Variants in NUCB2 observed in about 807,000 individuals in gnomAD.
The protein encoded by NUCB2 is nucleobindin-2.
Under a neutral mutation model 57.9 loss-of-function variants are expected in NUCB2, and 48 were observed. That is an observed-to-expected ratio of 0.83 (90% confidence interval 0.66 to 1.05). The LOEUF (loss-of-function observed/expected upper bound fraction) is 1.05. Among genes scored for constraint, NUCB2 ranks in the 50% least tolerant of loss-of-function variants. The pLI, the probability that NUCB2 is intolerant of heterozygous loss-of-function variation, is 0.00. For synonymous variants in NUCB2, 139 were observed against 152.1 expected, an observed-to-expected ratio of 0.91 and a Z score of 0.64; for missense variants, 442 against 476.2, an observed-to-expected ratio of 0.93 and a Z score of 0.67.
chr11:17,317,276 A>C (rs1949377372), intron 11 of NUCB2, among the ~76,000 whole-genome samples: 1 of 152,200 alleles, frequency 6.6e-6, no homozygotes, highest in East Asian at 1.9e-4. Context: ...ATTATGTTGT[A>C]ATGTATATAC....
At chr11:17,331,029 T>C (rs970796095) in intron 13 of NUCB2, 46 bp downstream of exon 13, 44 of 1,156,092 alleles carry the variant, frequency 3.8e-5, no homozygotes, top group Non-Finnish European at 5.6e-5. Context: ...TAAATTATTT[T>C]ATCAATTGAA....
intron 11 of NUCB2, among the ~76,000 whole-genome samples, chr11:17,319,591 C>T (rs1456379607): frequency 6.6e-5 from 10 of 152,130 alleles, no homozygotes; most frequent in Admixed American, 6.5e-4. Flanking sequence ...TACACACATA[C>T]ATGCACACAT....
chr11:17,281,761 G>A (rs1348859110), intron 1 of NUCB2, among the ~76,000 whole-genome samples: 1 of 151,994 alleles, frequency 6.6e-6, no homozygotes, highest in Non-Finnish European at 1.5e-5. Flanking sequence ...CAACATGCAT[G>A]TGATTACTCT....
At chr11:17,300,305 C>T (rs1024964789) in intron 4 of NUCB2, among the ~76,000 whole-genome samples, 1 of 152,196 alleles carries the variant, frequency 6.6e-6, no homozygotes, top group African/African-American at 2.4e-5. Context: ...AGCCACTGCA[C>T]CCTGCCATTT....
chr11:17,315,849 G>A (rs186293790), intron 11 of NUCB2, among the ~76,000 whole-genome samples: 1 of 152,058 alleles, frequency 6.6e-6, no homozygotes, highest in Non-Finnish European at 1.5e-5. Flanking sequence ...ATTTGGAATG[G>A]TATGCAGTTT....
At chr11:17,308,225 T>C (rs1947982732) in intron 5 of NUCB2, among the ~76,000 whole-genome samples, 2 of 152,196 alleles carry the variant, frequency 1.3e-5, no homozygotes, top group Non-Finnish European at 2.9e-5. Context: ...GCCATTTCTC[T>C]GAGGAGCACT....
At chr11:17,285,892 C>G (rs559936563) in intron 2 of NUCB2, among the ~76,000 whole-genome samples, 30 of 151,148 alleles carry the variant, frequency 2.0e-4, no homozygotes, top group South Asian at 8.4e-4. Context: ...GCCCAACAAT[C>G]AAAACAGGAA....
At chr11:17,285,255 G>A (rs564098650) in intron 2 of NUCB2, among the ~76,000 whole-genome samples, 76 of 151,910 alleles carry the variant, frequency 5.0e-4, no homozygotes, top group African/African-American at 1.6e-3. Flanking sequence ...GTGAAACCCC[G>A]TCTCTACTAA....
intron 5 of NUCB2, among the ~76,000 whole-genome samples, chr11:17,302,132 A>G (rs1946854822): frequency 6.6e-6 from 1 of 152,080 alleles, no homozygotes; most frequent in African/African-American, 2.4e-5. Context: ...CCTGGGCTCA[A>G]GCAATCTTCC....
At chr11:17,325,988 TTTG>T (rs1177615829) in intron 11 of NUCB2, among the ~76,000 whole-genome samples, 1 of 152,128 alleles carries the variant, frequency 6.6e-6, no homozygotes, top group Non-Finnish European at 1.5e-5. Flanking sequence ...TTTTTAACTT[TTTG>T]TTGTTACTTT....
chr11:17,310,740 A>G (rs1948362782), intron 6 of NUCB2, 85 bp from the exon 7 acceptor site: 6 of 1,047,148 alleles, frequency 5.7e-6, no homozygotes, highest in Non-Finnish European at 8.4e-6. Context: ...CTTCTGTTCA[A>G]GAGTATGCTA....
chr11:17,302,070 T>G (rs1946842877), intron 5 of NUCB2, among the ~76,000 whole-genome samples, 200 bp downstream of exon 5: 1 of 152,134 alleles, frequency 6.6e-6, no homozygotes, highest in South Asian at 2.1e-4. Context: ...TGGCTAATTT[T>G]TTTTGTTAGT....
rs1951417210 is a variant in NUCB2, at chr11:17,331,625, A to C, written c.*206A>C. On this transcript the variant is annotated 3_prime_UTR_variant, in exon 14 of 14. Transcript: ENST00000529010. ...TCAGAACCAGGAAGAAAACAAACTCACTGTCTGCTCTCTGCTCTCACATTC... is the reference window on the plus strand; with the variant it reads ...TCAGAACCAGGAAGAAAACAAACTCCCTGTCTGCTCTCTGCTCTCACATTC... 9 of 393,700 alleles carry C rather than the reference A, an allele frequency of 2.3e-5. No homozygotes were observed. Among genetic ancestry groups the C allele is most frequent in the East Asian group, 3.8e-5 (1 of 26,504 alleles). The allele number at this position is 393,700 out of a possible 1,614,324, so 24.4% of individuals were successfully genotyped here. A position where few individuals can be genotyped will look rare whatever the true frequency, so the allele number is the denominator to read the frequency against.
intron 10 of NUCB2, among the ~76,000 whole-genome samples, chr11:17,314,777 A>T (rs1375747373): frequency 6.6e-6 from 1 of 152,160 alleles, no homozygotes; most frequent in Non-Finnish European, 1.5e-5. Context: ...GTAAATGCTA[A>T]ATTGGGGTCT....
intron 2 of NUCB2, among the ~76,000 whole-genome samples, chr11:17,338,955 T>C (rs1022507236): frequency 2.0e-5 from 3 of 152,042 alleles, no homozygotes; most frequent in East Asian, 3.9e-4. Flanking sequence ...TGAGCCACCG[T>C]GCCTGGCCTA....
chr11:17,283,369 T>C (rs530019654), intron 2 of NUCB2: 4 of 152,302 alleles, frequency 2.6e-5, no homozygotes, highest in East Asian at 1.9e-4. Flanking sequence ...CTCTATAAAA[T>C]TGGGCTTTTG....
intron 2 of NUCB2, chr11:17,283,311 G>T (rs1943070864): frequency 6.6e-6 from 1 of 152,168 alleles, no homozygotes; most frequent in Admixed American, 6.5e-5. Context: ...CTGAACCAAG[G>T]CTGAGGCTAT....
At chr11:17,302,738 ATTTTT>A (rs374768656) in intron 5 of NUCB2, among the ~76,000 whole-genome samples, 2 of 137,536 alleles carry the variant, frequency 1.5e-5, no homozygotes, top group Admixed American at 7.3e-5. Flanking sequence ...TGCCCTGCTA[ATTTTT>A]TTTTTTTTTT....
At chr11:17,293,298 TAC>T (rs1016822701) in intron 2 of NUCB2, among the ~76,000 whole-genome samples, 49 of 147,986 alleles carry the variant, frequency 3.3e-4, no homozygotes, top group Non-Finnish European at 5.4e-4. Context: ...TGTTAGGACA[TAC>T]ACACACACAC....
Sources: gnomAD v4.1 joint callset for allele counts (sites outside exome capture counted in the v4.1 genomes callset) on GRCh38, gnomAD v4.1.1 for gene constraint, MANE v1.5 for transcripts, NCBI Gene and HGNC (gene_info 2026-07-23, HGNC 2026-07-21) for gene names.